The following ABTB3 variants were observed in gnomAD, a reference collection of about 807,000 sequenced individuals.
The protein encoded by ABTB3 is ankyrin repeat and BTB domain containing 3, also known as ankyrin repeat- and BTB/POZ domain-containing protein 3.
At chr12:107,556,725 A>T in the ABTB3 span, among the ~76,000 whole-genome samples, 2 of 152,182 alleles carry the variant, frequency 1.3e-5, 1 homozygote, top group Middle Eastern at 6.8e-3. Context: ...AAAGTGGAAT[A>T]GTGGGCCGGG....
At chr12:107,519,982 A>G in the ABTB3 span, among the ~76,000 whole-genome samples, 1 of 152,180 alleles carries the variant, frequency 6.6e-6, no homozygotes, top group African/African-American at 2.4e-5. Flanking sequence ...ATATAGCTCC[A>G]CAGAGAAAGC....
At chr12:107,506,327 A>G in the ABTB3 span, among the ~76,000 whole-genome samples, 2 of 152,224 alleles carry the variant, frequency 1.3e-5, no homozygotes, top group Non-Finnish European at 2.9e-5. Flanking sequence ...ATTGGATGAA[A>G]ATACTTCTAC....
At chr12:107,391,953 G>C in the ABTB3 span, among the ~76,000 whole-genome samples, 4 of 152,298 alleles carry the variant, frequency 2.6e-5, no homozygotes, top group South Asian at 8.3e-4. Context: ...TCAGTTTCTG[G>C]AACTGGATCT....
chr12:107,654,869 G>C, the ABTB3 span, among the ~76,000 whole-genome samples: 3 of 138,838 alleles, frequency 2.2e-5, no homozygotes, highest in African/African-American at 8.6e-5. Context: ...CAGTGTTCTA[G>C]TTAAATGAGG....
the ABTB3 span, among the ~76,000 whole-genome samples, chr12:107,488,195 C>T: frequency 6.6e-6 from 1 of 152,056 alleles, no homozygotes; most frequent in Non-Finnish European, 1.5e-5. Flanking sequence ...TTCAACCATC[C>T]ACTTTGCTAG....
chr12:107,568,191 G>A, the ABTB3 span, among the ~76,000 whole-genome samples: 1 of 152,204 alleles, frequency 6.6e-6, no homozygotes, highest in African/African-American at 2.4e-5. Flanking sequence ...GTGATATTCT[G>A]TGCGAGTTAC....
chr12:107,352,925 G>C, the ABTB3 span, among the ~76,000 whole-genome samples: 2 of 152,130 alleles, frequency 1.3e-5, no homozygotes, highest in African/African-American at 2.4e-5. Flanking sequence ...AAGTTCTTTC[G>C]AAAGCAGAAA....
the ABTB3 span, among the ~76,000 whole-genome samples, chr12:107,435,803 A>G: frequency 8.2e-3 from 1,251 of 152,352 alleles, 19 homozygotes; most frequent in African/African-American, 0.027. Flanking sequence ...GTGGAATTAC[A>G]GGACCAGAGG....
At chr12:107,570,159 A>G in the ABTB3 span, among the ~76,000 whole-genome samples, 2 of 152,260 alleles carry the variant, frequency 1.3e-5, no homozygotes, top group African/African-American at 4.8e-5. Context: ...GAGAACACGT[A>G]TAGAGGGAAA....
chr12:107,459,583 T>G, the ABTB3 span, among the ~76,000 whole-genome samples: 1 of 152,200 alleles, frequency 6.6e-6, no homozygotes, highest in African/African-American at 2.4e-5. Flanking sequence ...AGGAGAGCCC[T>G]GATGCAAGTA....
At chr12:107,431,385 C>T in the ABTB3 span, among the ~76,000 whole-genome samples, 1 of 152,126 alleles carries the variant, frequency 6.6e-6, no homozygotes, top group Non-Finnish European at 1.5e-5. Context: ...CCAAGGCAGG[C>T]AGATCATGAG....
the ABTB3 span, among the ~76,000 whole-genome samples, chr12:107,523,478 G>A: frequency 6.6e-6 from 1 of 152,158 alleles, no homozygotes; most frequent in South Asian, 2.1e-4. Context: ...TGCATAATGT[G>A]CAAATGATTA....
chr12:107,549,774 A>T, the ABTB3 span, among the ~76,000 whole-genome samples: 1 of 152,210 alleles, frequency 6.6e-6, no homozygotes, highest in Non-Finnish European at 1.5e-5. Context: ...GACAAATTAC[A>T]TCTGGCCTGG....
the ABTB3 span, among the ~76,000 whole-genome samples, chr12:107,385,869 C>T: frequency 7.2e-5 from 11 of 152,206 alleles, no homozygotes; most frequent in South Asian, 8.3e-4. Flanking sequence ...CTGCCATCCT[C>T]ACCGACATGC....
the ABTB3 span, among the ~76,000 whole-genome samples, chr12:107,409,766 T>C: frequency 6.6e-6 from 1 of 152,086 alleles, no homozygotes; most frequent in African/African-American, 2.4e-5. Flanking sequence ...AATACCTAGG[T>C]GATGGGTTGA....
chr12:107,380,066 G>A, the ABTB3 span, among the ~76,000 whole-genome samples: 1 of 152,184 alleles, frequency 6.6e-6, no homozygotes, highest in Admixed American at 6.5e-5. Flanking sequence ...TGATTCGTCT[G>A]TGACCCTTAA....
chr12:107,492,131 G>A, the ABTB3 span, among the ~76,000 whole-genome samples: 66 of 152,252 alleles, frequency 4.3e-4, no homozygotes, highest in African/African-American at 1.5e-3. Context: ...ACGCTGATTC[G>A]CTTCCTCTGA....
the ABTB3 span, among the ~76,000 whole-genome samples, chr12:107,430,229 C>G: frequency 6.6e-6 from 1 of 152,156 alleles, no homozygotes; most frequent in Non-Finnish European, 1.5e-5. Context: ...AATGTATTTA[C>G]CCAGTCCCCT....
the ABTB3 span, among the ~76,000 whole-genome samples, chr12:107,465,058 T>C: frequency 1.3e-5 from 2 of 151,878 alleles, no homozygotes; most frequent in Non-Finnish European, 2.9e-5. Context: ...GGGAGAGTGT[T>C]AAGAATTGAA....
Sources: gnomAD v4.1 joint callset for allele counts (sites outside exome capture counted in the v4.1 genomes callset) on GRCh38, gnomAD v4.1.1 for gene constraint, MANE v1.5 for transcripts, NCBI Gene and HGNC (gene_info 2026-07-23, HGNC 2026-07-21) for gene names.